The following TRIM38 variants were observed in gnomAD, a reference collection of about 807,000 sequenced individuals.
TRIM38 encodes the protein tripartite motif containing 38.
A neutral mutation model predicts 35.8 loss-of-function variants in TRIM38; 35 were observed. The observed-to-expected ratio is 0.98, with a 90% CI of 0.75 to 1.30. The LOEUF (loss-of-function observed/expected upper bound fraction) is 1.30, where lower values mean the gene tolerates loss of function less well. Ranked by LOEUF, TRIM38 falls within the 50% of genes most tolerant of loss-of-function variation. The probability of loss-of-function intolerance (pLI) is 0.00; values close to 1 mark genes in which losing one functional copy is unlikely to be tolerated. For synonymous variants in TRIM38, 198 were observed against 204.7 expected (o/e 0.97, Z 0.28); for missense variants, 545 against 556.9 (o/e 0.98, Z 0.21).
Position 25,988,617 on chromosome 6 carries a change from C to A in TRIM38, c.*4930C>A, listed in dbSNP as rs1006879365. On this transcript the variant is annotated 3_prime_UTR_variant, in exon 8 of 8. Transcript: ENST00000357085. ...CAAACGATTCTCATATCTCAGCCTC[C>A]CGAGTAGCTGGGATTACAGGCTCAC... 2 of 149,018 alleles carry A rather than the reference C, an allele frequency of 1.3e-5. No homozygotes were observed. The highest frequency in any genetic ancestry group is 5.0e-5 in the African/African-American group (2 of 40,212). The allele number at this position is 149,018 out of a possible 1,614,324, so 9.2% of individuals were successfully genotyped here.
At chr6:25,970,379 TTAAAG>T (rs1760196552) in intron 4 of TRIM38, among the ~76,000 whole-genome samples, 1 of 152,188 alleles carries the variant, frequency 6.6e-6, no homozygotes, top group African/African-American at 2.4e-5. Context: ...GTCTTTGCCA[TTAAAG>T]TAAAGGCAAA....
In TRIM38 at chr6:25,989,270, C is replaced by T. The variant is rs1760789718; in HGVS notation, c.*5583C>T. 6.6e-6 allele frequency: 1 copy of T among 152,104 alleles called. No homozygotes were observed. The highest frequency in any genetic ancestry group is 1.5e-5 in the Non-Finnish European group (1 of 68,018). The allele number at this position is 152,104 out of a possible 1,614,324, so 9.4% of individuals were successfully genotyped here. Reference sequence around the variant, plus strand: ...TTCTTACTGTTGAGTTTTAAGTATTCTTTGTATATTCTAAAAATATTGTTC... The same window carrying T: ...TTCTTACTGTTGAGTTTTAAGTATTTTTTGTATATTCTAAAAATATTGTTC... On this transcript the variant is annotated 3_prime_UTR_variant, in exon 8 of 8. Transcript: ENST00000357085.
At chr6:25,981,700 C>T (rs527498311) in intron 7 of TRIM38, among the ~76,000 whole-genome samples, 1 of 152,300 alleles carries the variant, frequency 6.6e-6, no homozygotes, top group East Asian at 1.9e-4. Context: ...AGTCATGGGA[C>T]TAGGCATGTG....
intron 4 of TRIM38, among the ~76,000 whole-genome samples, chr6:25,970,282 A>G (rs188397496): frequency 2.4e-3 from 372 of 152,318 alleles, no homozygotes; most frequent in Non-Finnish European, 4.5e-3. Context: ...ACAAACTTTC[A>G]GATTATTTCC....
At chr6:25,976,556 C>A (rs1024530179) in intron 7 of TRIM38, among the ~76,000 whole-genome samples, 1 of 152,196 alleles carries the variant, frequency 6.6e-6, no homozygotes. Flanking sequence ...CAGGCATGAA[C>A]CACCATCTCC....
Position 25,974,608 on chromosome 6 carries a change from G to A in TRIM38, c.874+1323G>A, listed in dbSNP as rs373482741. On this transcript the variant is annotated intron_variant, in intron 7 of 7. Transcript: ENST00000357085. Reference sequence around the variant, plus strand: ...TCTTCCACAGTGGCCAACCCTGAACGGCACTGAGATGAGACTATTTAAAAG... The same window carrying A: ...TCTTCCACAGTGGCCAACCCTGAACAGCACTGAGATGAGACTATTTAAAAG... Among the ~76,000 whole-genome samples, 5 of 152,290 alleles carry A rather than the reference G, an allele frequency of 3.3e-5. No homozygotes were observed. In the East Asian group the frequency reaches 5.8e-4, roughly 18 times the overall value.
intron 2 of TRIM38, among the ~76,000 whole-genome samples, chr6:25,965,336 G>A (rs1373030927): frequency 6.6e-6 from 1 of 152,132 alleles, no homozygotes; most frequent in African/African-American, 2.4e-5. Flanking sequence ...CAGAAAAACT[G>A]AATTTTTTCA....
intron 7 of TRIM38, among the ~76,000 whole-genome samples, chr6:25,982,040 GT>G (rs1276049446): frequency 1.3e-5 from 2 of 152,128 alleles, no homozygotes; most frequent in Non-Finnish European, 2.9e-5. Flanking sequence ...GATGTCCGGG[GT>G]CCAGGGTCCA....
At chr6:25,975,924 AAACTGGGATT>A in intron 7 of TRIM38, among the ~76,000 whole-genome samples, 1 of 152,340 alleles carries the variant, frequency 6.6e-6, no homozygotes, top group East Asian at 1.9e-4. Flanking sequence ...AACATACCCC[AAACTGGGATT>A]GCCGAGGTTG....
Position 25,971,947 on chromosome 6 carries a change from T to G in TRIM38, c.586T>G (p.Ser196Ala), listed in dbSNP as rs752125608. The change falls in exon 5 of 8, where the codon TCT becomes GCT. Residue 196 changes from serine (S) to alanine (A), a missense_variant. By Grantham distance (99) the Ser-to-Ala change is moderately conservative (BLOSUM62 1). Coordinates refer to ENST00000357085, the MANE Select transcript of TRIM38 (RefSeq NM_006355.5). ...LQCFLHEEEK[S>A]YLWRLEKEEQ... ...GTGTTTCCTACATGAGGAAGAGAAG[T>G]CTTATCTCTGGAGGCTGGAGAAAGA... is the stretch of plus-strand genomic sequence containing the variant. The G allele has an allele frequency of 1.2e-6, 2 of 1,614,098 alleles. No homozygotes were observed. The highest frequency in any genetic ancestry group is 1.7e-6 in the Non-Finnish European group (2 of 1,180,010).
Position 25,962,839 on chromosome 6 carries a change from G to A in TRIM38, c.-439G>A, listed in dbSNP as rs1368154656. On this transcript the variant is annotated 5_prime_UTR_variant, in exon 1 of 8. Coordinates refer to ENST00000357085, the MANE Select transcript of TRIM38 (RefSeq NM_006355.5). ...ACCCAGGAAGTGGCAGCAACAGAGG[G>A]GACTAGCAGCGAATATGTAAGTGTC... The A allele has an allele frequency of 6.6e-6, 1 of 152,308 alleles. No homozygotes were observed. The highest frequency in any genetic ancestry group is 1.5e-5 in the Non-Finnish European group (1 of 68,086). 9.4% of individuals were successfully genotyped at this position (152,308 alleles called of 1,614,324 possible).
At chr6:25,979,752 T>C (rs946925892) in intron 7 of TRIM38, among the ~76,000 whole-genome samples, 21 of 151,950 alleles carry the variant, frequency 1.4e-4, no homozygotes, top group South Asian at 6.2e-4. Flanking sequence ...TGGCTTTCTA[T>C]GTTCTTTTTA....
In TRIM38 at chr6:25,962,860, G is replaced by A. The variant is rs1018090826; in HGVS notation, c.-423+5G>A. ...GAGGGGACTAGCAGCGAATATGTAAGTGTCTGAGCAGTGAAGGTTACGGAA... is the reference window on the plus strand; with the variant it reads ...GAGGGGACTAGCAGCGAATATGTAAATGTCTGAGCAGTGAAGGTTACGGAA... On this transcript the variant is annotated splice_donor_5th_base_variant and intron_variant, in intron 1 of 7. Transcript: ENST00000357085. The A allele has an allele frequency of 6.6e-6, 1 of 152,408 alleles. No homozygotes were observed. The highest frequency in any genetic ancestry group is 1.5e-5 in the Non-Finnish European group (1 of 68,108). The allele number at this position is 152,408 out of a possible 1,614,324, so 9.4% of individuals were successfully genotyped here. A position where few individuals can be genotyped will look rare whatever the true frequency, so the allele number is the denominator to read the frequency against.
chr6:25,966,219 T>C (rs1288076310), intron 2 of TRIM38, 116 bp from the exon 3 acceptor site: 5 of 292,386 alleles, frequency 1.7e-5, no homozygotes, highest in South Asian at 2.4e-4. Context: ...CTGCTTTTTT[T>C]CCTCTAAACA....
chr6:25,969,020 G>C (rs1418177801), intron 3 of TRIM38, among the ~76,000 whole-genome samples: 1 of 152,230 alleles, frequency 6.6e-6, no homozygotes, highest in Non-Finnish European at 1.5e-5. Flanking sequence ...CAGCAGATGA[G>C]ATTGCAATTG....
intron 7 of TRIM38, among the ~76,000 whole-genome samples, chr6:25,976,622 A>G (rs539003547): frequency 2.0e-5 from 3 of 152,240 alleles, no homozygotes; most frequent in Admixed American, 2.0e-4. Flanking sequence ...AGTTGTGTGT[A>G]GTTGGGTTTT....
intron 7 of TRIM38, among the ~76,000 whole-genome samples, chr6:25,979,578 T>C (rs1336814483): frequency 6.6e-6 from 1 of 152,024 alleles, no homozygotes; most frequent in Non-Finnish European, 1.5e-5. Flanking sequence ...GCCTTCTGTC[T>C]TACTTTGATA....
chr6:25,970,842 A>G (rs1199672049), intron 4 of TRIM38, among the ~76,000 whole-genome samples: 1 of 152,240 alleles, frequency 6.6e-6, no homozygotes, highest in African/African-American at 2.4e-5. Flanking sequence ...CCCTGAATAC[A>G]CACTCCCACT....
intron 3 of TRIM38, among the ~76,000 whole-genome samples, chr6:25,967,815 C>T (rs1452788552): frequency 6.6e-6 from 1 of 152,044 alleles, no homozygotes; most frequent in Non-Finnish European, 1.5e-5. Context: ...GAGGCATGAA[C>T]CACTGTGCCC....
Sources: allele counts gnomAD v4.1 joint callset (sites outside exome capture counted in the v4.1 genomes callset), GRCh38; gene constraint gnomAD v4.1.1; transcripts MANE v1.5; gene names NCBI Gene and HGNC (gene_info 2026-07-23, HGNC 2026-07-21).